The following MOBP variants were observed in gnomAD, a reference collection of about 807,000 sequenced individuals.
MOBP encodes the protein myelin associated oligodendrocyte basic protein.
In MOBP, 5 loss-of-function variants were observed where a neutral mutation model predicts 15.0. The ratio of observed to expected loss-of-function variants is 0.33; its 90% confidence interval spans 0.17 to 0.70. MOBP has a LOEUF of 0.70. Among genes scored for constraint, MOBP ranks in the 30% least tolerant of loss-of-function variants. The pLI is 0.67. For missense variants in MOBP, 188 were observed against 257.8 expected (o/e 0.73, Z 1.85); for synonymous variants, 88 against 99.0 (o/e 0.89, Z 0.66).
rs2042383360 is a variant in MOBP, at chr3:39,468,738, G to T, written c.-89+998G>T. 2.5e-5 allele frequency among the ~76,000 whole-genome samples: 2 copies of T among 79,526 alleles called. 1 individual carries two copies. Among genetic ancestry groups the T allele is most frequent in the Non-Finnish European group, 4.6e-5 (2 of 43,594 alleles). The allele number at this position is 79,526 out of a possible 152,430, so 52.2% of individuals were successfully genotyped here. A position where few individuals can be genotyped will look rare whatever the true frequency, so the allele number is the denominator to read the frequency against. Reference sequence around the variant, plus strand: ...TGTGTATATACATATATACATATGTGTGTGTATATATACATATATACATGT... The same window carrying T: ...TGTGTATATACATATATACATATGTTTGTGTATATATACATATATACATGT... On this transcript the variant is annotated intron_variant, in intron 1 of 3. Coordinates refer to ENST00000684792, the MANE Select transcript of MOBP (RefSeq NM_001393704.1).
chr3:39,528,807 A>G (rs2125679588), downstream of MOBP: 1 of 152,364 alleles, frequency 6.6e-6, no homozygotes, highest in South Asian at 2.1e-4. Context: ...TGTAAATCAC[A>G]CTTTTTCCTA....
intron 3 of MOBP, among the ~76,000 whole-genome samples, chr3:39,522,660 TATA>T (rs1305661330): frequency 6.6e-6 from 1 of 152,196 alleles, no homozygotes; most frequent in Non-Finnish European, 1.5e-5. Flanking sequence ...AAAAGATAAT[TATA>T]ATAGTAAGAA....
At position 39,502,046 on chromosome 3, in the gene MOBP, C is replaced by T. The variant is rs2042978026; in HGVS notation, c.-4-20C>T. ...GTGCGTTTATGTCTCCTCCTGTCTC[C>T]TTGCATCGGCGATTTCCAGTGAGAT... On this transcript the variant is annotated intron_variant, in intron 2 of 3. Coordinates refer to ENST00000684792, the MANE Select transcript of MOBP (RefSeq NM_001393704.1). This position sits in a 1 kb window ranked among gnomAD's most constrained non-coding sequence, Gnocchi z 6.3. The T allele has an allele frequency of 8.7e-6, 14 of 1,609,280 alleles. No homozygotes were observed. In the East Asian group the frequency reaches 2.7e-4, roughly 31 times the overall value.
intron 2 of MOBP, among the ~76,000 whole-genome samples, chr3:39,488,672 C>A (rs2042750950): frequency 6.6e-6 from 1 of 152,200 alleles, no homozygotes; most frequent in South Asian, 2.1e-4. Flanking sequence ...TTTTTCCCCC[C>A]AGCCTTCCCC....
At chr3:39,488,289 TAC>T (rs1245105491) in intron 2 of MOBP, among the ~76,000 whole-genome samples, 2 of 152,234 alleles carry the variant, frequency 1.3e-5, no homozygotes, top group Non-Finnish European at 2.9e-5. Context: ...CATTCCCTTT[TAC>T]AGACACTTGG....
chr3:39,491,260 C>T (rs1015107367), intron 2 of MOBP, among the ~76,000 whole-genome samples: 16 of 152,224 alleles, frequency 1.1e-4, no homozygotes, highest in East Asian at 9.7e-4. Flanking sequence ...CAGTGTGGTA[C>T]GGATTATAAC....
At chr3:39,522,216 CAAATT>C (rs1431960576) in intron 3 of MOBP, among the ~76,000 whole-genome samples, 1 of 152,130 alleles carries the variant, frequency 6.6e-6, no homozygotes, top group African/African-American at 2.4e-5. Flanking sequence ...CAAGTGAAGA[CAAATT>C]AAAAACAAAC....
At chr3:39,507,616 G>A, downstream of MOBP, among the ~76,000 whole-genome samples, 1 of 152,196 alleles carries the variant, frequency 6.6e-6, no homozygotes, top group East Asian at 1.9e-4. Context: ...GAATGTTAGA[G>A]ACCAGGCTTC....
chr3:39,469,229 CAT>C lies in MOBP; in HGVS notation c.-89+1492_-89+1493del, dbSNP rs201372550. ...ACATGTGTGTGTATATACATATATA[CAT>C]ATGTGTGTGTATATATACATATATG... On this transcript the variant is annotated intron_variant, in intron 1 of 3. Coordinates refer to ENST00000684792, the MANE Select transcript of MOBP (RefSeq NM_001393704.1). Among the ~76,000 whole-genome samples the C allele has an allele frequency of 8.2e-3, 929 of 113,754 alleles. 139 individuals carry two copies. Among genetic ancestry groups the C allele is most frequent in the African/African-American group, 0.029 (736 of 24,952 alleles). The allele number at this position is 113,754 out of a possible 152,430, so 74.6% of individuals were successfully genotyped here.
intron 1 of MOBP, among the ~76,000 whole-genome samples, chr3:39,478,653 G>A (rs983279850): frequency 3.3e-5 from 5 of 152,144 alleles, no homozygotes; most frequent in Non-Finnish European, 5.9e-5. Context: ...AAACCAGGAT[G>A]AATGTGGGGT....
At chr3:39,524,663 C>A (rs1353451619) in exon 5 of MOBP, 2 of 152,078 alleles carry the variant, frequency 1.3e-5, no homozygotes, top group East Asian at 3.8e-4. Flanking sequence ...AATTGTACAA[C>A]CTGTGATCAA....
downstream of MOBP, among the ~76,000 whole-genome samples, chr3:39,506,100 T>G (rs2043044849): frequency 6.6e-6 from 1 of 152,020 alleles, no homozygotes; most frequent in Non-Finnish European, 1.5e-5. Flanking sequence ...TCCTTTGAGG[T>G]CTTGCTGTAC....
chr3:39,473,939 T>G (rs2042505303), intron 1 of MOBP, among the ~76,000 whole-genome samples: 1 of 152,234 alleles, frequency 6.6e-6, no homozygotes, highest in African/African-American at 2.4e-5. Context: ...AAATCTTGTA[T>G]TCTTGGGCAG....
downstream of MOBP, among the ~76,000 whole-genome samples, chr3:39,503,595 T>G (rs1055565660): frequency 1.1e-4 from 16 of 148,758 alleles, no homozygotes; most frequent in African/African-American, 4.0e-4. Context: ...ACAGCAAAAT[T>G]AAGGGGAAGG....
intron 1 of MOBP, among the ~76,000 whole-genome samples, chr3:39,473,325 A>T (rs1233489335): frequency 1.3e-5 from 2 of 152,214 alleles, no homozygotes; most frequent in Admixed American, 6.5e-5. Context: ...AGGAGGGGGA[A>T]CATGGGGAAG....
exon 5 of MOBP, chr3:39,524,626 C>T (rs1236826522): frequency 6.6e-6 from 1 of 152,148 alleles, no homozygotes; most frequent in Non-Finnish European, 1.5e-5. Context: ...CTTTGGGTTG[C>T]AATCTGGGGA....
At chr3:39,468,056 T>C (rs1200996839) in intron 1 of MOBP, among the ~76,000 whole-genome samples, 2 of 151,966 alleles carry the variant, frequency 1.3e-5, no homozygotes, top group African/African-American at 4.8e-5. Flanking sequence ...AGATGGATGG[T>C]AGTACATGCT....
intron 2 of MOBP, among the ~76,000 whole-genome samples, chr3:39,495,661 G>A (rs2042867814): frequency 6.7e-6 from 1 of 149,994 alleles, no homozygotes. Context: ...GCTGAGGCAG[G>A]AGGATTGCTT....
intron 1 of MOBP, among the ~76,000 whole-genome samples, chr3:39,470,562 C>T (rs1459561641): frequency 6.6e-6 from 1 of 152,132 alleles, no homozygotes; most frequent in Non-Finnish European, 1.5e-5. Flanking sequence ...ACTAATACAT[C>T]ACACACTTTA....
Sources: allele counts gnomAD v4.1 joint callset (sites outside exome capture counted in the v4.1 genomes callset), GRCh38; gene constraint gnomAD v4.1.1; non-coding constraint Gnocchi (gnomAD v3.1); transcripts MANE v1.5; gene names NCBI Gene and HGNC (gene_info 2026-07-23, HGNC 2026-07-21).